TAL1: variants seen among roughly 807,000 people sequenced by gnomAD.
TAL1 encodes the protein T-cell acute lymphocytic leukemia protein 1.
In TAL1, 8 loss-of-function variants were observed where a neutral mutation model predicts 17.9. That is an observed-to-expected ratio of 0.45 (90% CI 0.26 to 0.81). The LOEUF is 0.81. Ranked by LOEUF, TAL1 falls within the 30% of genes least tolerant of loss-of-function variation. The probability of loss-of-function intolerance (pLI) is 0.17; values close to 1 mark genes in which losing one functional copy is unlikely to be tolerated. For missense variants in TAL1, 466 were observed against 486.9 expected (o/e 0.96, Z 0.40); for synonymous variants, 223 against 218.6 (o/e 1.02, Z -0.18).
chr1:47,226,197 G>A, intron 1 of TAL1: 1 of 388,036 alleles, frequency 2.6e-6, no homozygotes, highest in East Asian at 4.3e-5. Flanking sequence ...TACAGCCAGC[G>A]ACAGAAACAC....
At chr1:47,228,778 C>T (rs1321384636) in intron 1 of TAL1, 3 of 158,896 alleles carry the variant, frequency 1.9e-5, no homozygotes, top group African/African-American at 7.2e-5. Flanking sequence ...CCTGCCTCCC[C>T]ACCCTAGGCC....
In TAL1 at chr1:47,224,092, G is replaced by T. The variant is rs781522147; in HGVS notation, c.453C>A (p.Phe151Leu). ...TAGGGAAGGCATCCGGCTCCCCAAA[G>T]AACCCGCTGTGGGAGGGAACGGGCA... is the stretch of plus-strand genomic sequence containing the variant. Residue 151 changes from phenylalanine (F) to leucine (L), a missense_variant, in exon 3 of 4, where the codon TTC becomes TTA. Physicochemically the swap from Phe to Leu is conservative, Grantham distance 22. Around this residue, in one of 5 missense-constraint regions of TAL1, gnomAD observed 158 missense variants for 151.7 expected, o/e 1.04. Transcript: ENST00000294339. The T allele has an allele frequency of 6.2e-6, 10 of 1,613,680 alleles. No individual in the cohort carries two copies. The African/African-American group carries it at 1.3e-4, about 22-fold the overall frequency.
intron 1 of TAL1, 40 bp from the exon 3 acceptor site, chr1:47,225,929 C>A (rs1471812943): frequency 2.6e-6 from 4 of 1,561,466 alleles, no homozygotes; most frequent in Non-Finnish European, 3.4e-6. Flanking sequence ...CCCGCTCTGA[C>A]GACCGCCCCT....
chr1:47,219,933 C>T, exon 4 of TAL1: 1 of 1,526,308 alleles, frequency 6.6e-7, no homozygotes, highest in Non-Finnish European at 8.8e-7. Context: ...CAGCCCCCAC[C>T]ACAGGGTCCT....
chr1:47,224,181 T>A lies in TAL1; in HGVS notation c.447-83A>T, dbSNP rs902475792. On this transcript the variant is annotated intron_variant, in intron 2 of 3. Coordinates refer to ENST00000294339, the Ensembl canonical transcript of TAL1. ...CTTCCTTAGGGATCCTCCCCACATG[T>A]CTTGAGCCCCCCACCTCTGGGCAAC... 8 of 1,397,028 alleles carry A rather than the reference T, an allele frequency of 5.7e-6. No individual in the cohort carries two copies. In the African/African-American group the frequency reaches 9.9e-5, roughly 17 times the overall value. The allele number at this position is 1,397,028 out of a possible 1,614,324, so 86.5% of individuals were successfully genotyped here.
At chr1:47,219,701 T>C in exon 4 of TAL1, 2 of 1,606,710 alleles carry the variant, frequency 1.2e-6, no homozygotes, top group Middle Eastern at 3.3e-4. Context: ...TCCTGGCTGA[T>C]CCTGGTGGCC....
intron 3 of TAL1, among the ~76,000 whole-genome samples, chr1:47,220,568 C>T (rs1439814364): frequency 6.6e-6 from 1 of 152,184 alleles, no homozygotes; most frequent in Admixed American, 6.5e-5. Context: ...ACTACCCCTA[C>T]CTAAATGAAT....
exon 4 of TAL1, chr1:47,217,692 A>G (rs746855413): frequency 2.5e-6 from 1 of 398,572 alleles, no homozygotes; most frequent in Non-Finnish European, 4.4e-6. Flanking sequence ...AGAGGGAGCC[A>G]GAAGTTTGAG....
intron 1 of TAL1, chr1:47,227,792 A>G (rs1388982825): frequency 5.9e-5 from 9 of 152,020 alleles, no homozygotes; most frequent in African/African-American, 1.9e-4. Context: ...CCAGAAGTAT[A>G]TCAGCCAGGT....
exon 2 of TAL1, chr1:47,225,693 C>T (rs893588484): frequency 2.1e-6 from 3 of 1,433,136 alleles, no homozygotes; most frequent in African/African-American, 3.0e-5. Context: ...CCGCCCCCAC[C>T]GGCAGGGCCG....
Position 47,225,717 on chromosome 1 carries a change from C to T in TAL1, c.172G>A (p.Gly58Arg), listed in dbSNP as rs764839237. The T allele has an allele frequency of 1.6e-5, 23 of 1,471,352 alleles. No individual in the cohort carries two copies. The South Asian group carries it at 2.7e-4, about 18-fold the overall frequency. 91.1% of individuals were successfully genotyped at this position (1,471,352 alleles called of 1,614,324 possible). The change falls in exon 2 of 4, where the codon GGA becomes AGA. Residue 58 changes from glycine (G) to arginine (R), a missense_variant. This residue lies in a region of TAL1 where 130 missense variants were observed against 119.5 expected (regional missense o/e 1.09). Coordinates refer to ENST00000294339, the Ensembl canonical transcript of TAL1. ...CCGGCAGGGCCGCCCCCCGGGCCTC[C>T]GCGCGCGCCCAGTTCGATGACTGGG...
At chr1:47,220,532 A>G (rs1261139737) in intron 3 of TAL1, among the ~76,000 whole-genome samples, 1 of 152,194 alleles carries the variant, frequency 6.6e-6, no homozygotes, top group Non-Finnish European at 1.5e-5. Context: ...AGCTATGTCT[A>G]AGGAGACAGA....
upstream of TAL1, chr1:47,230,990 C>T (rs1012171355): frequency 3.9e-5 from 6 of 152,492 alleles, no homozygotes; most frequent in African/African-American, 1.4e-4. Flanking sequence ...TGAATGTGCC[C>T]ATTGTCCTTT....
Position 47,223,991 on chromosome 1 carries a change from G to A in TAL1, c.541+13C>T. 3.7e-6 allele frequency: 6 copies of A among 1,612,334 alleles called. No homozygotes were observed. In the South Asian group the frequency reaches 5.5e-5, roughly 15 times the overall value. On this transcript the variant is annotated intron_variant, in intron 3 of 3. Coordinates refer to ENST00000294339, the Ensembl canonical transcript of TAL1. Reference sequence around the variant, plus strand: ...TGAGGGGCAGGTACAACGGTGGGGTGGGGCAGACTCACCATCAGTAATCTC... The same window carrying A: ...TGAGGGGCAGGTACAACGGTGGGGTAGGGCAGACTCACCATCAGTAATCTC...
exon 4 of TAL1, chr1:47,216,917 G>C: frequency 4.3e-6 from 1 of 232,178 alleles, no homozygotes; most frequent in Non-Finnish European, 8.5e-6. Context: ...TACAGAGGGT[G>C]AAAATAAAAA....
At chr1:47,228,408 G>A (rs2845) in intron 1 of TAL1, 7,149 of 193,758 alleles carry the variant, frequency 0.037, 167 homozygotes, top group Middle Eastern at 0.078. Flanking sequence ...AGACTGAATC[G>A]TTCTAGAGTA....
At chr1:47,219,792 G>C (rs747792912) in exon 4 of TAL1, 4 of 1,611,958 alleles carry the variant, frequency 2.5e-6, no homozygotes, top group South Asian at 1.1e-5. Context: ...GCTTGGGCGC[G>C]GGCTCCTCCG....
intron 3 of TAL1, 134 bp downstream of exon 4, chr1:47,223,870 T>C (rs1643869730): frequency 1.2e-6 from 1 of 835,944 alleles, no homozygotes; most frequent in Admixed American, 1.9e-5. Flanking sequence ...GTGAAGGGCT[T>C]CGGCAGTTTG....
chr1:47,225,086 A>C (rs1233676269), intron 2 of TAL1, among the ~76,000 whole-genome samples: 1 of 152,096 alleles, frequency 6.6e-6, no homozygotes, highest in Non-Finnish European at 1.5e-5. Context: ...CTTTCCTGGT[A>C]CCCACGCTCA....
Sources: gnomAD v4.1 joint callset for allele counts (sites outside exome capture counted in the v4.1 genomes callset) on GRCh38, gnomAD v4.1.1 for gene constraint, gnomAD v4.1.1 regional missense constraint, MANE v1.5 for transcripts, NCBI Gene and HGNC (gene_info 2026-07-23, HGNC 2026-07-21) for gene names.